Variants in PCDHA8 observed in about 807,000 individuals in gnomAD.
PCDHA8 encodes protocadherin alpha 8, also known as protocadherin alpha-8.
Under a neutral mutation model 61.8 loss-of-function variants are expected in PCDHA8, and 53 were observed. That is an observed-to-expected ratio of 0.86 (90% CI 0.69 to 1.08). PCDHA8 has a LOEUF of 1.08. Ranked by LOEUF, PCDHA8 falls within the 50% of genes least tolerant of loss-of-function variation. The pLI is 0.00. For missense variants in PCDHA8, 1,293 were observed against 1,245.0 expected, an observed-to-expected ratio of 1.04 and a Z score of -0.58; for synonymous variants, 618 against 556.6, an observed-to-expected ratio of 1.11 and a Z score of -1.55.
intron 2 of PCDHA8, 26 bp downstream of exon 2, chr5:140,979,033 C>G: frequency 6.2e-7 from 1 of 1,613,044 alleles, no homozygotes; most frequent in Admixed American, 1.7e-5. Flanking sequence ...CTCATTCACT[C>G]AGAAGTAACC....
At position 140,881,397 on chromosome 5, in the gene PCDHA8, T is replaced by C. The variant is rs571341331; in HGVS notation, c.2394+37682T>C. On this transcript the variant is annotated intron_variant, in intron 1 of 3. Transcript: ENST00000531613. ...CAGCCGGCGGCGGTAAGTTAAATTC[T>C]ATTAAATCAATAGGATATTAGTTCC... 20 of 979,006 alleles carry C rather than the reference T, an allele frequency of 2.0e-5. No homozygotes were observed. In the African/African-American group the frequency reaches 3.5e-4, roughly 17 times the overall value. 60.6% of individuals were successfully genotyped at this position (979,006 alleles called of 1,614,324 possible). A position where few individuals can be genotyped will look rare whatever the true frequency, so the allele number is the denominator to read the frequency against.
chr5:140,967,762 G>A, intron 1 of PCDHA8: 1 of 1,614,216 alleles, frequency 6.2e-7, no homozygotes, highest in Non-Finnish European at 8.5e-7. Flanking sequence ...CCTCCTACCA[G>A]ATCTATGTGC....
At position 140,884,500 on chromosome 5, in the gene PCDHA8, G is replaced by T. The variant is rs782378726; in HGVS notation, c.2394+40785G>T. 34 of 1,614,122 alleles carry T rather than the reference G, an allele frequency of 2.1e-5. No homozygotes were observed. The South Asian group carries it at 2.5e-4, about 12-fold the overall frequency. On this transcript the variant is annotated intron_variant, in intron 1 of 3. Coordinates refer to ENST00000531613, the MANE Select transcript of PCDHA8 (RefSeq NM_018911.3). ...AGCCCACTCTAGTGTGCTCCAGCGC[G>T]GCAGGGAGTTGGTCGTACTCGCAGC...
chr5:140,936,941 T>C (rs547536853), intron 1 of PCDHA8, among the ~76,000 whole-genome samples: 14 of 152,342 alleles, frequency 9.2e-5, no homozygotes, highest in Non-Finnish European at 1.3e-4. Flanking sequence ...GAAAATATCT[T>C]ATTTTGATCT....
At chr5:140,917,892 T>C (rs1382149175) in intron 1 of PCDHA8, among the ~76,000 whole-genome samples, 2 of 152,104 alleles carry the variant, frequency 1.3e-5, no homozygotes, top group African/African-American at 4.8e-5. Flanking sequence ...TTTTTCCATA[T>C]GAATGTTAGG....
At position 140,845,310 on chromosome 5, in the gene PCDHA8, CAG is replaced by C. The variant is rs2150378304; in HGVS notation, c.2394+1596_2394+1597del. On this transcript the variant is annotated intron_variant, in intron 1 of 3. Transcript: ENST00000531613. ...ATCCTGTCTATGTCTACCTGGTTCT[CAG>C]GTATTACTTTAATTACTGAATTCTC... Among the ~76,000 whole-genome samples the C allele has an allele frequency of 4.5e-4, 68 of 149,506 alleles. 3 individuals carry two copies. The highest frequency in any genetic ancestry group is 6.9e-3 in the Middle Eastern group (2 of 290).
chr5:140,880,385 A>T (rs191215782), intron 1 of PCDHA8, among the ~76,000 whole-genome samples: 86 of 152,346 alleles, frequency 5.6e-4, no homozygotes, highest in African/African-American at 2.1e-3. Context: ...ATAGAAAATA[A>T]TTTTTAAGAG....
rs2150392159 is a variant in PCDHA8, at chr5:140,846,538, C to T, written c.2394+2823C>T. ...TACAGGTGCATGCCACCATGCCCTG[C>T]TAATTTTTTGTATTTTTAGTAGAGT... On this transcript the variant is annotated intron_variant, in intron 1 of 3. Transcript: ENST00000531613. Among the ~76,000 whole-genome samples the T allele has an allele frequency of 2.0e-4, 30 of 148,498 alleles. 2 individuals are homozygous for T. The highest frequency in any genetic ancestry group is 4.1e-4 in the Admixed American group (6 of 14,814).
chr5:140,966,355 G>C (rs2095993623), intron 1 of PCDHA8: 1 of 400,198 alleles, frequency 2.5e-6, no homozygotes, highest in Non-Finnish European at 4.4e-6. Context: ...AGGAGATGGG[G>C]CTGGAGAGGC....
At chr5:140,961,548 TTC>T (rs1261051270) in intron 1 of PCDHA8, among the ~76,000 whole-genome samples, 4 of 152,230 alleles carry the variant, frequency 2.6e-5, no homozygotes, top group African/African-American at 9.6e-5. Context: ...CCTGCAGCAT[TTC>T]TTTTTTTAAA....
intron 1 of PCDHA8, among the ~76,000 whole-genome samples, chr5:140,925,122 GA>G (rs1298426256): frequency 2.7e-5 from 4 of 150,724 alleles, no homozygotes; most frequent in Non-Finnish European, 4.4e-5. Flanking sequence ...AGGAAGGAAG[GA>G]AAAAAAATTT....
intron 1 of PCDHA8, chr5:140,876,978 C>T (rs1206745884): frequency 1.2e-5 from 20 of 1,612,518 alleles, no homozygotes; most frequent in African/African-American, 6.7e-5. Flanking sequence ...TGGGCGAGCA[C>T]GCACTGTCGA....
chr5:140,841,614 G>T lies in PCDHA8; in HGVS notation c.293G>T (p.Arg98Leu). The T allele has an allele frequency of 1.2e-6, 2 of 1,614,122 alleles. No homozygotes were observed. The highest frequency in any genetic ancestry group is 1.1e-5 in the South Asian group (1 of 91,082). ...SRIDREELCG[R>L]SAECSIHLEV... ...ATCGACCGCGAGGAGCTGTGCGGGC[G>T]GAGCGCGGAGTGCAGCATCCACCTG... Residue 98 changes from arginine (R) to leucine (L), a missense_variant, in exon 1 of 4, where the codon CGG becomes CTG. Transcript: ENST00000531613.
At chr5:140,926,789 G>A in intron 1 of PCDHA8, 1 of 1,432,318 alleles carries the variant, frequency 7.0e-7, no homozygotes, top group East Asian at 2.5e-5. Flanking sequence ...CGGCCGGCAG[G>A]AGCGTGCTCT....
In PCDHA8 at chr5:140,967,305, A is replaced by G. The variant is rs782005994; in HGVS notation, c.2395-11644A>G. On this transcript the variant is annotated intron_variant, in intron 1 of 3. Transcript: ENST00000531613. ...GCGCAGGACCCCGACGTGGGCGCCA[A>G]CTCAGTACAGACCTACGAGCTCAGC... The G allele has an allele frequency of 5.7e-5, 92 of 1,612,346 alleles. 1 individual carries two copies. The South Asian group carries it at 9.7e-4, about 17-fold the overall frequency.
At chr5:140,989,723 G>A (rs2097356372) in intron 3 of PCDHA8, among the ~76,000 whole-genome samples, 1 of 152,180 alleles carries the variant, frequency 6.6e-6, no homozygotes, top group African/African-American at 2.4e-5. Flanking sequence ...CAGCTTTGCA[G>A]TTGAAAAGGC....
intron 1 of PCDHA8, chr5:140,857,025 A>G: frequency 6.3e-7 from 1 of 1,596,330 alleles, no homozygotes; most frequent in Non-Finnish European, 8.6e-7. Flanking sequence ...GATAAGGGAA[A>G]CCCACCTATG....
intron 1 of PCDHA8, chr5:140,882,952 G>A (rs782634608): frequency 3.7e-6 from 6 of 1,614,048 alleles, no homozygotes; most frequent in Non-Finnish European, 5.1e-6. Flanking sequence ...CAGTTCAGCT[G>A]CTCATCACGA....
chr5:140,941,227 C>CTT (rs797022976), intron 1 of PCDHA8, among the ~76,000 whole-genome samples: 1 of 136,000 alleles, frequency 7.4e-6, no homozygotes, highest in African/African-American at 2.8e-5. Context: ...TTCTTTCTTT[C>CTT]TTTCTTTCTT....
Sources: gnomAD v4.1 joint callset for allele counts (sites outside exome capture counted in the v4.1 genomes callset) on GRCh38, gnomAD v4.1.1 for gene constraint, MANE v1.5 for transcripts, NCBI Gene and HGNC (gene_info 2026-07-23, HGNC 2026-07-21) for gene names.